The following TMEM44 variants were observed in gnomAD, a reference collection of about 807,000 sequenced individuals.
TMEM44 encodes transmembrane protein 44.
Under a neutral mutation model 47.8 loss-of-function variants are expected in TMEM44, and 43 were observed. The observed-to-expected ratio is 0.90, with a 90% CI of 0.70 to 1.16. TMEM44 has a LOEUF of 1.16. Among genes scored for constraint, TMEM44 ranks in the 50% most tolerant of loss-of-function variants. TMEM44 has a pLI of 0.00. For synonymous variants in TMEM44, 277 were observed against 238.8 expected (o/e 1.16, Z -1.48); for missense variants, 568 against 555.2 (o/e 1.02, Z -0.23).
chr3:194,615,783 C>A (rs1481762403), intron 6 of TMEM44, 86 bp from the exon 7 acceptor site: 10 of 1,531,466 alleles, frequency 6.5e-6, no homozygotes, highest in South Asian at 1.2e-5. Flanking sequence ...GCTGCCACCC[C>A]CCTCCCCACT....
At chr3:194,623,976 T>C (rs539204703) in intron 3 of TMEM44, among the ~76,000 whole-genome samples, 1 of 152,314 alleles carries the variant, frequency 6.6e-6, no homozygotes, top group East Asian at 1.9e-4. Context: ...TGCATCTGCG[T>C]GCAGACAGCA....
At chr3:194,609,096 G>A (rs531627627) in intron 8 of TMEM44, among the ~76,000 whole-genome samples, 1 of 152,200 alleles carries the variant, frequency 6.6e-6, no homozygotes, top group Non-Finnish European at 1.5e-5. Flanking sequence ...CAAAGACAGT[G>A]CGTCATTTAC....
At chr3:194,599,586 CTTTT>C (rs35672774) in intron 9 of TMEM44, among the ~76,000 whole-genome samples, 5 of 129,028 alleles carry the variant, frequency 3.9e-5, no homozygotes, top group Non-Finnish European at 6.4e-5. Flanking sequence ...TTTTTCTTTT[CTTTT>C]TTTTTTTTTT....
At position 194,623,640 on chromosome 3, in the gene TMEM44, G is replaced by A; in HGVS notation, c.414C>T (p.Ala138=). The A allele has an allele frequency of 6.2e-7, 1 of 1,612,998 alleles. No individual in the cohort carries two copies. Among genetic ancestry groups the A allele is most frequent in the Non-Finnish European group, 8.5e-7 (1 of 1,179,926 alleles). ...RRRQLRASVF[A]LALPLSLGPC... Reference sequence around the variant, plus strand: ...GGCCCAGGCTCAGCGGCAGGGCCAGGGCAAACACACTGGCCCTGAGCTGCC... The same window carrying A: ...GGCCCAGGCTCAGCGGCAGGGCCAGAGCAAACACACTGGCCCTGAGCTGCC... Residue 138 remains alanine, a synonymous_variant, in exon 4 of 10, where the codon GCC becomes GCT. Transcript: ENST00000347147.
At chr3:194,613,240 C>T (rs562717629) in intron 7 of TMEM44, among the ~76,000 whole-genome samples, 2 of 151,872 alleles carry the variant, frequency 1.3e-5, no homozygotes, top group Admixed American at 6.6e-5. Context: ...TACAGTGGCA[C>T]GATCCCGGCT....
intron 6 of TMEM44, among the ~76,000 whole-genome samples, chr3:194,616,138 G>A (rs574283848): frequency 6.6e-6 from 1 of 151,726 alleles, no homozygotes; most frequent in Admixed American, 6.6e-5. Context: ...TGCAACCCCT[G>A]CCTCCCTGGT....
At chr3:194,601,378 T>A (rs1253601067) in intron 9 of TMEM44, among the ~76,000 whole-genome samples, 1 of 151,604 alleles carries the variant, frequency 6.6e-6, no homozygotes, top group Non-Finnish European at 1.5e-5. Flanking sequence ...GATCTCTGCT[T>A]ACCGAAACCT....
At chr3:194,617,787 G>A (rs899223681) in intron 5 of TMEM44, 6 of 702,342 alleles carry the variant, frequency 8.5e-6, no homozygotes, top group Middle Eastern at 2.9e-4. Flanking sequence ...CTGGTGGGAG[G>A]TGGTTGGGTC....
At chr3:194,588,739 A>C in intron 9 of TMEM44, 100 bp from the exon 10 acceptor site, 2 of 1,184,188 alleles carry the variant, frequency 1.7e-6, no homozygotes, top group South Asian at 1.3e-5. Context: ...CTTGGTTCTC[A>C]TGATCCAGGC....
At chr3:194,620,482 C>T (rs1399327152) in intron 5 of TMEM44, among the ~76,000 whole-genome samples, 1 of 152,074 alleles carries the variant, frequency 6.6e-6, no homozygotes, top group African/African-American at 2.4e-5. Flanking sequence ...TTGCTGACTC[C>T]TACCATGATC....
At chr3:194,593,889 C>T (rs1205307959) in intron 9 of TMEM44, among the ~76,000 whole-genome samples, 1 of 152,202 alleles carries the variant, frequency 6.6e-6, no homozygotes, top group East Asian at 1.9e-4. Context: ...TAGCCCACTG[C>T]TGCCTCCATC....
chr3:194,629,727 C>T (rs1360499611), intron 1 of TMEM44, among the ~76,000 whole-genome samples: 14 of 112,408 alleles, frequency 1.2e-4, no homozygotes, highest in South Asian at 3.4e-4. Flanking sequence ...ACCTGCCTCC[C>T]GGAGGGGCTG....
rs771284908 is a variant in TMEM44 at position 194,588,492 on chromosome 3, C to T, written c.*37G>A. 1 of 1,592,170 alleles carries T rather than the reference C, an allele frequency of 6.3e-7. No individual in the cohort carries two copies. The highest frequency in any genetic ancestry group is 8.6e-7 in the Non-Finnish European group (1 of 1,161,070). On this transcript the variant is annotated 3_prime_UTR_variant, in exon 10 of 10. Coordinates refer to ENST00000347147, the MANE Select transcript of TMEM44 (RefSeq NM_001011655.3). ...CTGCGTTACTGAACGAACTCCTGAC[C>T]CTGGGCTCTGAGCTGATGAGCTGGC... is the stretch of plus-strand genomic sequence containing the variant.
chr3:194,601,309 C>CA (rs1031832148), intron 9 of TMEM44, among the ~76,000 whole-genome samples: 3 of 134,288 alleles, frequency 2.2e-5, no homozygotes, highest in Non-Finnish European at 4.9e-5. Flanking sequence ...GGCTAATTTT[C>CA]TTTTTTTTTT....
chr3:194,615,624 C>A lies in TMEM44; in HGVS notation c.857G>T (p.Ser286Ile), dbSNP rs138606939. 8.7e-6 allele frequency: 14 copies of A among 1,614,136 alleles called. No homozygotes were observed. The highest frequency in any genetic ancestry group is 3.3e-4 in the Middle Eastern group (2 of 6,062). The change falls in exon 7 of 10, where the codon AGC (serine) becomes ATC (isoleucine). Residue 286 changes from serine (S) to isoleucine (I), a missense_variant. Physicochemically the swap from Ser to Ile is moderately radical, Grantham distance 142 (BLOSUM62 -2). Transcript: ENST00000347147. ...GGTCAAAAGGGCTTGGGTGTCAGGG[C>A]TCTCTCTGGCTTCCTTGGCAAATCC... The part of the protein sequence containing the change: ...ALGFAKEARE[S>I]PDTQALLTCA...
chr3:194,626,177 A>T (rs768678937), intron 2 of TMEM44, among the ~76,000 whole-genome samples, 187 bp from the exon 3 acceptor site: 4 of 152,110 alleles, frequency 2.6e-5, no homozygotes, highest in African/African-American at 9.7e-5. Flanking sequence ...TGATGAGGAG[A>T]TGAGGTGTTT....
intron 9 of TMEM44, among the ~76,000 whole-genome samples, chr3:194,603,859 T>G (rs1234386637): frequency 1.3e-5 from 2 of 148,308 alleles, no homozygotes; most frequent in Non-Finnish European, 2.9e-5. Flanking sequence ...TTCATTTTTT[T>G]TTTGTTTTTT....
chr3:194,600,704 C>T (rs1334692149), intron 9 of TMEM44, among the ~76,000 whole-genome samples: 1 of 152,014 alleles, frequency 6.6e-6, no homozygotes, highest in Non-Finnish European at 1.5e-5. Context: ...TGAGCCGAGA[C>T]TGCGCCACGG....
At chr3:194,601,874 A>G (rs567981605) in intron 9 of TMEM44, among the ~76,000 whole-genome samples, 1 of 152,350 alleles carries the variant, frequency 6.6e-6, no homozygotes, top group East Asian at 1.9e-4. Context: ...TGAATTTTTC[A>G]AGTTCACCGT....
Sources: gnomAD v4.1 joint callset for allele counts (sites outside exome capture counted in the v4.1 genomes callset) on GRCh38, gnomAD v4.1.1 for gene constraint, MANE v1.5 for transcripts, NCBI Gene and HGNC (gene_info 2026-07-23, HGNC 2026-07-21) for gene names.